USP2: variants seen among roughly 807,000 people sequenced by gnomAD.
USP2 encodes the protein ubiquitin carboxyl-terminal hydrolase 2.
In USP2, 33 loss-of-function variants were observed where a neutral mutation model predicts 72.0. That is an observed-to-expected ratio of 0.46 (90% CI 0.35 to 0.61). The LOEUF (loss-of-function observed/expected upper bound fraction) is 0.61. Among genes scored for constraint, USP2 ranks in the 20% least tolerant of loss-of-function variants. The probability of loss-of-function intolerance (pLI) is 0.01; values close to 1 mark genes in which losing one functional copy is unlikely to be tolerated. For synonymous variants in USP2, 296 were observed against 312.5 expected, an observed-to-expected ratio of 0.95 and a Z score of 0.56; for missense variants, 691 against 797.8, an observed-to-expected ratio of 0.87 and a Z score of 1.61.
At chr11:119,368,071 G>T (rs533641127) in intron 2 of USP2, among the ~76,000 whole-genome samples, 2 of 152,214 alleles carry the variant, frequency 1.3e-5, no homozygotes, top group Admixed American at 6.5e-5. Context: ...GCCCACAGCC[G>T]GTCTGCAAGG....
At position 119,379,293 on chromosome 11, in the gene USP2, A is replaced by G. The variant is rs1358763415; in HGVS notation, c.-42+2180T>C. ...GTGCCAGCCAAGGAGGTCTGTGAGG[A>G]CTCTTGGAAGGGGGGCATTTTGAAG... On this transcript the variant is annotated intron_variant, in intron 1 of 12. Coordinates refer to ENST00000260187, the MANE Select transcript of USP2 (RefSeq NM_004205.5). The G allele has an allele frequency of 3.0e-6, 3 of 983,776 alleles. No homozygotes were observed. The African/African-American group carries it at 5.3e-5, about 17-fold the overall frequency. 60.9% of individuals were successfully genotyped at this position (983,776 alleles called of 1,614,324 possible).
In USP2 at chr11:119,373,307, G is replaced by A. The variant is rs753361952; in HGVS notation, c.174C>T (p.Ser58=). 2 of 1,613,738 alleles carry A rather than the reference G, an allele frequency of 1.2e-6. No homozygotes were observed. The highest frequency in any genetic ancestry group is 2.2e-5 in the South Asian group (2 of 91,090). ...KLGFKPVPTS[S]FLTRPRTYGP... is the part of the protein sequence containing the mutation. ...CATAGGTACGGGGACGGGTGAGGAA[G>A]CTGCTGGTGGGGACCGGCTTGAAAC... is the stretch of plus-strand genomic sequence containing the variant. Residue 58 remains serine, a synonymous_variant, in exon 2 of 13, where the codon AGC becomes AGT. Coordinates refer to ENST00000260187, the MANE Select transcript of USP2 (RefSeq NM_004205.5).
chr11:119,379,852 C>T (rs970688363), intron 1 of USP2, among the ~76,000 whole-genome samples: 3 of 151,286 alleles, frequency 2.0e-5, no homozygotes, highest in Non-Finnish European at 4.4e-5. Flanking sequence ...TTAATAATAG[C>T]GCCTTACCAG....
chr11:119,370,742 G>A (rs76018648), intron 2 of USP2, among the ~76,000 whole-genome samples: 3,109 of 152,316 alleles, frequency 0.02, 98 homozygotes, highest in African/African-American at 0.07. Flanking sequence ...GGGCATTCCC[G>A]GCTAAAGTGC....
At chr11:119,372,347 G>GC (rs567124181) in intron 2 of USP2, among the ~76,000 whole-genome samples, 161 of 152,238 alleles carry the variant, frequency 1.1e-3, no homozygotes, top group South Asian at 2.3e-3. Flanking sequence ...GGTGGTCTGG[G>GC]CCCCCCCGCA....
intron 11 of USP2, 37 bp from the exon 12 acceptor site, chr11:119,357,344 C>A: frequency 6.2e-7 from 1 of 1,612,080 alleles, no homozygotes; most frequent in South Asian, 1.1e-5. Context: ...CCGAGGCCCC[C>A]CTGCCCCGAC....
At chr11:119,378,184 C>G (rs1439865270) in intron 1 of USP2, among the ~76,000 whole-genome samples, 4 of 152,076 alleles carry the variant, frequency 2.6e-5, no homozygotes, top group Non-Finnish European at 5.9e-5. Flanking sequence ...AGAGGGGGCC[C>G]TGTATCCTTC....
intron 2 of USP2, chr11:119,363,735 TG>T: frequency 1.4e-6 from 1 of 729,072 alleles, no homozygotes; most frequent in Non-Finnish European, 1.9e-6. Flanking sequence ...AAAGGAGGGG[TG>T]GGGGCTGGGA....
intron 2 of USP2, 84 bp downstream of exon 2, chr11:119,372,623 G>A (rs1950943357): frequency 1.5e-6 from 2 of 1,343,194 alleles, no homozygotes; most frequent in South Asian, 1.5e-5. Flanking sequence ...CATCAGTCAG[G>A]TTGGGAGTCG....
intron 2 of USP2, among the ~76,000 whole-genome samples, chr11:119,368,188 A>G (rs1273725728): frequency 2.0e-5 from 3 of 152,212 alleles, no homozygotes; most frequent in African/African-American, 7.2e-5. Flanking sequence ...CCTCTGGCTT[A>G]AGGTCCTTTA....
intron 2 of USP2, among the ~76,000 whole-genome samples, chr11:119,371,107 C>T (rs1324703724): frequency 6.6e-6 from 1 of 152,172 alleles, no homozygotes; most frequent in Non-Finnish European, 1.5e-5. Context: ...AGGCCCCATC[C>T]CGAGAGAGTT....
At chr11:119,367,242 C>G (rs990475596) in intron 2 of USP2, among the ~76,000 whole-genome samples, 3 of 152,214 alleles carry the variant, frequency 2.0e-5, no homozygotes, top group Non-Finnish European at 2.9e-5. Context: ...TGCCGTTCCT[C>G]AGAACCTGGG....
chr11:119,379,769 T>C (rs1429747930), intron 1 of USP2, among the ~76,000 whole-genome samples: 2 of 152,162 alleles, frequency 1.3e-5, no homozygotes, highest in Non-Finnish European at 2.9e-5. Context: ...GTAAATTTCA[T>C]GGCCCATAGA....
Position 119,357,822 on chromosome 11 carries a change from C to T in USP2, c.1436G>A (p.Cys479Tyr). The T allele has an allele frequency of 3.7e-6, 6 of 1,613,472 alleles. No individual in the cohort carries two copies. Among genetic ancestry groups the T allele is most frequent in the Non-Finnish European group, 5.1e-6 (6 of 1,179,676 alleles). Reference protein sequence around the residue: ...DGDEKPTCCRCRGRKRCIKKF... With the variant: ...DGDEKPTCCRYRGRKRCIKKF... ...CTTTATACACCGTTTTCTGCCTCGGCAGCGACAGCATGTCTGAGAGACAAG... is the reference window on the plus strand; with the variant it reads ...CTTTATACACCGTTTTCTGCCTCGGTAGCGACAGCATGTCTGAGAGACAAG... The change falls in exon 10 of 13, where the codon TGC (cysteine) becomes TAC (tyrosine). Residue 479 changes from cysteine to tyrosine, a missense_variant. Cys to Tyr is a radical substitution (Grantham distance 194, BLOSUM62 -2). Coordinates refer to ENST00000260187, the MANE Select transcript of USP2 (RefSeq NM_004205.5).
At chr11:119,380,218 G>C (rs923846698) in intron 1 of USP2, among the ~76,000 whole-genome samples, 1 of 151,868 alleles carries the variant, frequency 6.6e-6, no homozygotes, top group Non-Finnish European at 1.5e-5. Context: ...CTCCCGGCCG[G>C]AAGTGTGCCT....
At chr11:119,370,835 C>T (rs1462167638) in intron 2 of USP2, among the ~76,000 whole-genome samples, 2 of 152,164 alleles carry the variant, frequency 1.3e-5, no homozygotes, top group African/African-American at 4.8e-5. Context: ...CTCAAAATTC[C>T]CTTCACCTTG....
intron 2 of USP2, chr11:119,364,118 C>T (rs1252939832): frequency 1.6e-6 from 2 of 1,223,930 alleles, no homozygotes; most frequent in Non-Finnish European, 2.0e-6. Flanking sequence ...AGGACAGCGT[C>T]CGCGGCGCCC....
intron 2 of USP2, among the ~76,000 whole-genome samples, chr11:119,372,437 T>C (rs1364961458): frequency 2.0e-5 from 3 of 152,160 alleles, no homozygotes; most frequent in East Asian, 1.9e-4. Context: ...GAGTGGTTCA[T>C]TGGGCGCAGC....
intron 2 of USP2, among the ~76,000 whole-genome samples, chr11:119,368,390 A>G (rs1400915182): frequency 6.6e-6 from 1 of 152,230 alleles, no homozygotes; most frequent in Non-Finnish European, 1.5e-5. Context: ...ATGAGGGACG[A>G]GAGGCGAGTT....
Sources: gnomAD v4.1 joint callset for allele counts (sites outside exome capture counted in the v4.1 genomes callset) on GRCh38, gnomAD v4.1.1 for gene constraint, MANE v1.5 for transcripts, NCBI Gene and HGNC (gene_info 2026-07-23, HGNC 2026-07-21) for gene names.